Variants in POFUT4 observed in about 807,000 individuals in gnomAD.
POFUT4 encodes GDP-fucose protein O-fucosyltransferase 4.
chr10:73,775,365 T>C, the POFUT4 span: 4 of 1,497,874 alleles, frequency 2.7e-6, no homozygotes, highest in East Asian at 6.8e-5. Flanking sequence ...TGTGACTTAC[T>C]GCCTGTCGCT....
At chr10:73,772,505 G>A in the POFUT4 span, 4 of 1,561,338 alleles carry the variant, frequency 2.6e-6, no homozygotes, top group Admixed American at 1.9e-5. Context: ...CGCAGTGGGG[G>A]TGACGCGCAG....
At chr10:73,772,535 G>A in the POFUT4 span, 7 of 1,569,314 alleles carry the variant, frequency 4.5e-6, no homozygotes, top group South Asian at 7.0e-5. Context: ...GCCGCGGCCA[G>A]GGAGGGAGGA....
chr10:73,774,694 TCA>T, the POFUT4 span: 12 of 150,112 alleles, frequency 8.0e-5, no homozygotes, highest in Admixed American at 2.0e-4. Flanking sequence ...TAAGACCCTG[TCA>T]CACACACACA....
At chr10:73,772,660 C>A in the POFUT4 span, 10 of 1,556,908 alleles carry the variant, frequency 6.4e-6, no homozygotes, top group African/African-American at 1.2e-4. Flanking sequence ...CCCGGAACCG[C>A]CGAGCGCTGA....
chr10:73,779,253 C>G, the POFUT4 span: 1 of 150,084 alleles, frequency 6.7e-6, no homozygotes, highest in South Asian at 2.0e-4. Flanking sequence ...AGTGAGACCT[C>G]TGTCTAAAAA....
the POFUT4 span, chr10:73,772,448 G>A: frequency 1.9e-6 from 3 of 1,563,536 alleles, no homozygotes; most frequent in Non-Finnish European, 2.6e-6. Context: ...GGCGGAGTGG[G>A]CGGAACCGTG....
At chr10:73,773,561 C>A in the POFUT4 span, 1 of 1,614,250 alleles carries the variant, frequency 6.2e-7, no homozygotes, top group Non-Finnish European at 8.5e-7. Flanking sequence ...GGGGCATCAC[C>A]AACCAATTTC....
chr10:73,780,119 A>G, the POFUT4 span: 1 of 152,210 alleles, frequency 6.6e-6, no homozygotes, highest in South Asian at 2.1e-4. Context: ...GGTGATAGAA[A>G]TGTCTGATAG....
chr10:73,777,991 TG>T, the POFUT4 span, among the ~76,000 whole-genome samples: 2 of 150,514 alleles, frequency 1.3e-5, no homozygotes, highest in Non-Finnish European at 3.0e-5. Context: ...TCCAGAGTGG[TG>T]GGATTACAGG....
chr10:73,772,657 C>T, the POFUT4 span: 2 of 1,555,840 alleles, frequency 1.3e-6, no homozygotes, highest in Non-Finnish European at 1.7e-6. Flanking sequence ...CGTCCCGGAA[C>T]CGCCGAGCGC....
the POFUT4 span, chr10:73,774,970 C>T: frequency 5.8e-6 from 1 of 173,604 alleles, no homozygotes; most frequent in African/African-American, 2.4e-5. Flanking sequence ...ATGCTGCTGG[C>T]AGTTTTGTCC....
At chr10:73,772,767 T>A in the POFUT4 span, 2 of 1,608,372 alleles carry the variant, frequency 1.2e-6, no homozygotes, top group Non-Finnish European at 1.7e-6. Flanking sequence ...TGGGCGCTCC[T>A]CCACGAGGAG....
chr10:73,772,849 T>G, the POFUT4 span: 1 of 1,612,316 alleles, frequency 6.2e-7, no homozygotes, highest in Non-Finnish European at 8.5e-7. Context: ...CCACCTTCAG[T>G]CGCCACTCGG....
chr10:73,773,419 A>C, the POFUT4 span: 9 of 1,614,198 alleles, frequency 5.6e-6, no homozygotes, highest in East Asian at 1.6e-4. Flanking sequence ...TCTGTGAGGG[A>C]CTGGATGCCG....
chr10:73,772,737 C>A, the POFUT4 span: 37 of 1,597,606 alleles, frequency 2.3e-5, 1 homozygote, highest in Non-Finnish European at 3.0e-5. Flanking sequence ...GCCCCGCTGC[C>A]GCGCCTGGCG....
the POFUT4 span, chr10:73,773,475 A>AAGCTGGC: frequency 6.2e-7 from 1 of 1,614,244 alleles, no homozygotes; most frequent in South Asian, 1.1e-5. Flanking sequence ...GTCTCCTCAG[A>AAGCTGGC]AGCTGGCAGA....
At chr10:73,774,039 G>C in the POFUT4 span, 1 of 541,702 alleles carries the variant, frequency 1.8e-6, no homozygotes, top group South Asian at 2.8e-5. Context: ...CAGCTTATGT[G>C]AACAATGTTT....
the POFUT4 span, chr10:73,775,570 G>A: frequency 6.2e-6 from 10 of 1,614,200 alleles, no homozygotes; most frequent in South Asian, 1.1e-4. Context: ...CAAGATTATT[G>A]GCAAGGTCTG....
the POFUT4 span, chr10:73,775,475 C>A: frequency 2.5e-6 from 4 of 1,613,954 alleles, no homozygotes; most frequent in African/African-American, 5.3e-5. Context: ...TGGCCCCACT[C>A]GGAAAAAGGC....
Sources: allele counts gnomAD v4.1 joint callset (sites outside exome capture counted in the v4.1 genomes callset), GRCh38; gene constraint gnomAD v4.1.1; transcripts MANE v1.5; gene names NCBI Gene and HGNC (gene_info 2026-07-23, HGNC 2026-07-21).